The following CFAP299 variants were observed in gnomAD, a reference collection of about 807,000 sequenced individuals.
The protein encoded by CFAP299 is cilia and flagella associated protein 299.
CFAP299 carries 21 observed loss-of-function variants against 27.0 expected under a neutral mutation model. The ratio of observed to expected loss-of-function variants is 0.78; its 90% CI spans 0.55 to 1.12. The LOEUF (loss-of-function observed/expected upper bound fraction) is 1.12. Ranked by LOEUF, CFAP299 falls within the 50% of genes most tolerant of loss-of-function variation. CFAP299 has a pLI of 0.00. For synonymous variants in CFAP299, 104 were observed against 98.1 expected (o/e 1.06, Z -0.36); for missense variants, 310 against 276.6 (o/e 1.12, Z -0.86).
At chr4:80,619,524 G>A (rs971667710) in intron 3 of CFAP299, among the ~76,000 whole-genome samples, 7 of 152,042 alleles carry the variant, frequency 4.6e-5, no homozygotes, top group African/African-American at 1.7e-4. Context: ...TTTATTATAT[G>A]TTGTGTTCAG....
At chr4:80,698,980 A>G (rs1033466281) in intron 3 of CFAP299, among the ~76,000 whole-genome samples, 3 of 152,212 alleles carry the variant, frequency 2.0e-5, no homozygotes, top group Non-Finnish European at 4.4e-5. Flanking sequence ...CCATATCACA[A>G]GGGTTAGAAA....
intron 3 of CFAP299, among the ~76,000 whole-genome samples, chr4:80,741,835 C>T (rs112512189): frequency 1.6e-4 from 24 of 152,234 alleles, no homozygotes; most frequent in African/African-American, 4.8e-4. Context: ...CAGCCTGTGG[C>T]GGTGAGGCTT....
At chr4:80,399,770 C>T (rs1028815060) in intron 2 of CFAP299, among the ~76,000 whole-genome samples, 2 of 152,054 alleles carry the variant, frequency 1.3e-5, no homozygotes, top group East Asian at 1.9e-4. Flanking sequence ...AGCACACCAA[C>T]ATGACATATG....
At chr4:80,822,818 G>C (rs1352126753) in intron 3 of CFAP299, among the ~76,000 whole-genome samples, 1 of 152,100 alleles carries the variant, frequency 6.6e-6, no homozygotes, top group Admixed American at 6.6e-5. Context: ...GTAATCTTCT[G>C]TAAGAAAAAT....
chr4:80,650,109 C>T lies in CFAP299; in HGVS notation c.333+66926C>T, dbSNP rs562345004. 3.2e-4 allele frequency among the ~76,000 whole-genome samples: 48 copies of T among 151,432 alleles called. 1 individual carries two copies. In the South Asian group the frequency reaches 9.2e-3, roughly 29 times the overall value. ...ATATAGCATAAGAAAATGTGAATAC[C>T]GTTTATATGTAGAATTATCTAAAAT... On this transcript the variant is annotated intron_variant, in intron 3 of 5. Coordinates refer to ENST00000358105, the MANE Select transcript of CFAP299 (RefSeq NM_152770.3).
rs1011686651 is a variant in CFAP299, at chr4:80,693,688, T to G, written c.333+110505T>G. On this transcript the variant is annotated intron_variant, in intron 3 of 5. Transcript: ENST00000358105. ...CACATGTACCCTAAAACTTAAAGTATAATAATAATTTAAAAAAAAAAAAGA... is the reference window on the plus strand; with the variant it reads ...CACATGTACCCTAAAACTTAAAGTAGAATAATAATTTAAAAAAAAAAAAGA... Among the ~76,000 whole-genome samples, 3 of 150,582 alleles carry G rather than the reference T, an allele frequency of 2.0e-5. No individual in the cohort carries two copies. In the East Asian group the frequency reaches 5.9e-4, roughly 29 times the overall value.
At chr4:80,956,910 C>T (rs1220580819) in intron 5 of CFAP299, among the ~76,000 whole-genome samples, 1 of 152,028 alleles carries the variant, frequency 6.6e-6, no homozygotes, top group Non-Finnish European at 1.5e-5. Flanking sequence ...TTAAAGTTTA[C>T]AGTTGTTTTG....
At chr4:80,798,676 T>C (rs889083218) in intron 3 of CFAP299, among the ~76,000 whole-genome samples, 3 of 152,104 alleles carry the variant, frequency 2.0e-5, no homozygotes, top group African/African-American at 7.2e-5. Flanking sequence ...TATCTGCTTC[T>C]AAAGCCAGGA....
intron 2 of CFAP299, among the ~76,000 whole-genome samples, chr4:80,432,397 T>C (rs184339181): frequency 9.2e-5 from 14 of 152,260 alleles, no homozygotes; most frequent in Admixed American, 9.2e-4. Context: ...GTGATCCACC[T>C]GTCTTGGCCT....
chr4:80,782,658 T>C (rs193076543), intron 3 of CFAP299, among the ~76,000 whole-genome samples: 20 of 125,812 alleles, frequency 1.6e-4, no homozygotes, highest in South Asian at 4.3e-4. Flanking sequence ...GAATATATAA[T>C]ATATTCATAT....
At chr4:80,902,501 GAT>G (rs1303271428) in intron 4 of CFAP299, among the ~76,000 whole-genome samples, 2 of 99,576 alleles carry the variant, frequency 2.0e-5, no homozygotes, top group Non-Finnish European at 3.5e-5. Context: ...CATATATATG[GAT>G]ATATATCCAT....
chr4:80,582,298 C>A (rs1736210885), intron 2 of CFAP299, among the ~76,000 whole-genome samples: 1 of 151,772 alleles, frequency 6.6e-6, no homozygotes, highest in African/African-American at 2.4e-5. Flanking sequence ...CATGGTATGA[C>A]ATTATGTTTA....
In CFAP299 at chr4:80,828,697, T is replaced by C. The variant is rs77831271; in HGVS notation, c.334-41296T>C. Among the ~76,000 whole-genome samples, 1,203 of 152,044 alleles carry C rather than the reference T, an allele frequency of 7.9e-3. 10 individuals carry two copies. Among genetic ancestry groups the C allele is most frequent in the African/African-American group, 0.027 (1,140 of 41,500 alleles). The stretch of plus-strand genomic sequence containing the variant: ...AAGCTTCCTGAAGCCTCCCTAGAAA[T>C]TGAGCAGATGGCAGCACCTGTTCCT... On this transcript the variant is annotated intron_variant, in intron 3 of 5. Transcript: ENST00000358105.
At chr4:80,335,609 T>G, upstream of CFAP299, 1 of 642,624 alleles carries the variant, frequency 1.6e-6, no homozygotes, top group Admixed American at 2.5e-5. Context: ...TTCACAGGAG[T>G]GAGGCAGAAG....
chr4:80,628,801 G>A (rs1330624795), intron 3 of CFAP299, among the ~76,000 whole-genome samples: 8 of 152,070 alleles, frequency 5.3e-5, no homozygotes, highest in Admixed American at 2.6e-4. Flanking sequence ...GCTAGAATGC[G>A]TATCTTCAAG....
At chr4:80,574,182 T>C (rs1004658629) in intron 2 of CFAP299, among the ~76,000 whole-genome samples, 2 of 152,114 alleles carry the variant, frequency 1.3e-5, no homozygotes, top group Admixed American at 1.3e-4. Flanking sequence ...ATTTATTTGG[T>C]TAATTCCTAA....
intron 3 of CFAP299, among the ~76,000 whole-genome samples, chr4:80,624,189 A>T (rs1401649625): frequency 6.6e-6 from 1 of 152,186 alleles, no homozygotes; most frequent in Non-Finnish European, 1.5e-5. Context: ...TATATATGAC[A>T]AAATAACTGT....
intron 3 of CFAP299, among the ~76,000 whole-genome samples, chr4:80,628,897 G>A (rs955179698): frequency 2.6e-5 from 4 of 152,146 alleles, no homozygotes; most frequent in African/African-American, 9.7e-5. Context: ...AGCCATTATG[G>A]AAAACAGTAT....
intron 3 of CFAP299, among the ~76,000 whole-genome samples, chr4:80,773,788 CT>C (rs1726360871): frequency 6.6e-6 from 1 of 151,810 alleles, no homozygotes; most frequent in African/African-American, 2.4e-5. Flanking sequence ...TTTGAGTAAT[CT>C]TTTAGAAATT....
Sources: allele counts gnomAD v4.1 joint callset (sites outside exome capture counted in the v4.1 genomes callset), GRCh38; gene constraint gnomAD v4.1.1; transcripts MANE v1.5; gene names NCBI Gene and HGNC (gene_info 2026-07-23, HGNC 2026-07-21).